The following POU2F2 variants were observed in gnomAD, a reference collection of about 807,000 sequenced individuals.
POU2F2 encodes POU class 2 homeobox 2, also known as POU domain, class 2, transcription factor 2.
Under a neutral mutation model 63.5 loss-of-function variants are expected in POU2F2, and 14 were observed. The ratio of observed to expected loss-of-function variants is 0.22; its 90% CI spans 0.15 to 0.34. The LOEUF (loss-of-function observed/expected upper bound fraction) is 0.34. POU2F2 is among the 10% of genes least tolerant of loss of function. The pLI is 1.00. For missense variants in POU2F2, 607 were observed against 815.2 expected, an observed-to-expected ratio of 0.74 and a Z score of 3.11; for synonymous variants, 306 against 348.6, an observed-to-expected ratio of 0.88 and a Z score of 1.36.
intron 1 of POU2F2, among the ~76,000 whole-genome samples, chr19:42,165,913 A>G (rs2034640779): frequency 6.6e-6 from 1 of 152,242 alleles, no homozygotes; most frequent in Admixed American, 6.5e-5. Context: ...AACAAATGCA[A>G]TGAAGACACT....
rs2076639565 is a variant in POU2F2 at position 42,089,229 on chromosome 19, AGAG to A, written c.*2025_*2027del. 6.6e-6 allele frequency: 1 copy of A among 152,236 alleles called. No individual in the cohort carries two copies. The highest frequency in any genetic ancestry group is 2.4e-5 in the African/African-American group (1 of 41,308). The allele number at this position is 152,236 out of a possible 1,614,324, so 9.4% of individuals were successfully genotyped here. A position where few individuals can be genotyped will look rare whatever the true frequency, so the allele number is the denominator to read the frequency against. Reference sequence around the variant, plus strand: ...AGAAGAGAGGAGAGCAAAGGGAGAGAGAGGAGACAGGAAGGAGGAGAGGAGAGA... The same window carrying A: ...AGAAGAGAGGAGAGCAAAGGGAGAGAGAGACAGGAAGGAGGAGAGGAGAGA... On this transcript the variant is annotated 3_prime_UTR_variant, in exon 15 of 15. Transcript: ENST00000692977.
intron 1 of POU2F2, among the ~76,000 whole-genome samples, chr19:42,123,679 C>T (rs577676595): frequency 2.0e-5 from 3 of 152,142 alleles, no homozygotes; most frequent in African/African-American, 7.2e-5. Context: ...AGTCTAATGT[C>T]CCCTAGTCCT....
At chr19:42,196,078 T>A (rs1461406103) in intron 1 of POU2F2, among the ~76,000 whole-genome samples, 1 of 152,136 alleles carries the variant, frequency 6.6e-6, no homozygotes, top group African/African-American at 2.4e-5. Flanking sequence ...ACTAAACGTA[T>A]CTGGGCGGTG....
intron 1 of POU2F2, among the ~76,000 whole-genome samples, chr19:42,173,493 T>C (rs1332810514): frequency 6.7e-6 from 1 of 149,740 alleles, no homozygotes. Flanking sequence ...AGGCCCTGCA[T>C]ACAAGAAGGG....
Position 42,153,618 on chromosome 19 carries a change from G to A in POU2F2, c.-9+6714C>T, listed in dbSNP as rs1182936269. ...GTGGTCTCTATGTGTACTGGAAGCA[G>A]GTTCTCCTCATGAGTGTCGGAGAGT... On this transcript the variant is annotated intron_variant, in intron 2 of 6. Transcript: ENST00000524801. The surrounding 1 kb of genome is among the most constrained non-coding windows in gnomAD (Gnocchi z 5.6). Among the ~76,000 whole-genome samples the A allele has an allele frequency of 6.6e-6, 1 of 152,202 alleles. No homozygotes were observed. Among genetic ancestry groups the A allele is most frequent in the East Asian group, 1.9e-4 (1 of 5,172 alleles).
chr19:42,132,258 G>A, intron 1 of POU2F2, 126 bp downstream of exon 1: 9 of 1,081,454 alleles, frequency 8.3e-6, no homozygotes, highest in Non-Finnish European at 1.1e-5. Flanking sequence ...GAGAGAGGGA[G>A]TTGCTAGAGT....
intron 5 of POU2F2, among the ~76,000 whole-genome samples, chr19:42,106,027 C>CT (rs944414690): frequency 7.1e-6 from 1 of 140,744 alleles, no homozygotes; most frequent in Non-Finnish European, 1.5e-5. Flanking sequence ...TTCTTTCTTT[C>CT]TTTCTTTCTT....
intron 1 of POU2F2, among the ~76,000 whole-genome samples, chr19:42,172,138 T>C (rs1207350709): frequency 6.6e-6 from 1 of 152,194 alleles, no homozygotes; most frequent in Non-Finnish European, 1.5e-5. Context: ...CTTTATGCCC[T>C]GCCACCAGTC....
Position 42,099,607 on chromosome 19 carries a change from T to C in POU2F2, c.487A>G (p.Thr163Ala). The change falls in exon 7 of 15, where the codon ACA becomes GCA. Residue 163 changes from threonine (T) to alanine (A), a missense_variant. By Grantham distance (58) the Thr-to-Ala change is moderately conservative (BLOSUM62 0). Transcript: ENST00000692977. ...AQQSQPGLLP[T>A]PNLFQLPQQT... is the part of the protein sequence containing the mutation. ...TGAGGTAGCTGGAATAGATTTGGTG[T>C]CGGTAGCAGGCCTGGAAAGACAAGG... 6.2e-7 allele frequency: 1 copy of C among 1,613,536 alleles called. No homozygotes were observed. The highest frequency in any genetic ancestry group is 8.5e-7 in the Non-Finnish European group (1 of 1,179,738).
At chr19:42,120,381 C>T (rs974711487) in intron 4 of POU2F2, among the ~76,000 whole-genome samples, 3 of 152,014 alleles carry the variant, frequency 2.0e-5, no homozygotes, top group Non-Finnish European at 2.9e-5. Context: ...CCACCATGCC[C>T]GGCTAATTTT....
chr19:42,136,076 C>G (rs1212014915), upstream of POU2F2, among the ~76,000 whole-genome samples: 1 of 152,078 alleles, frequency 6.6e-6, no homozygotes, highest in East Asian at 1.9e-4. Flanking sequence ...AGCCCTAAGT[C>G]AAAGTCAAGT....
rs1310016463 is a variant in POU2F2, at chr19:42,092,915, G to C, written c.1265-645C>G. The stretch of plus-strand genomic sequence containing the variant: ...ACTTACTATTTTCTAGCCTGGGGAG[G>C]GGCAACGTGTTGTTTTATGTGTATA... On this transcript the variant is annotated intron_variant, in intron 12 of 14. Transcript: ENST00000692977. The surrounding 1 kb of genome is among the most constrained non-coding windows in gnomAD (Gnocchi z 5.0). Among the ~76,000 whole-genome samples, 3 of 150,960 alleles carry C rather than the reference G, an allele frequency of 2.0e-5. No individual in the cohort carries two copies. The highest frequency in any genetic ancestry group is 4.4e-5 in the Non-Finnish European group (3 of 67,836).
intron 1 of POU2F2, among the ~76,000 whole-genome samples, chr19:42,123,668 T>C (rs2032906114): frequency 6.6e-6 from 1 of 152,158 alleles, no homozygotes; most frequent in South Asian, 2.1e-4. Flanking sequence ...GGATCCACTC[T>C]AGTCTAATGT....
At position 42,185,650 on chromosome 19, in the gene POU2F2, C is replaced by A. The variant is rs192602309; in HGVS notation, c.-70+10733G>T. On this transcript the variant is annotated intron_variant, in intron 1 of 5. Coordinates refer to the POU2F2 transcript ENST00000532176. ...CCCCCTGGCTAACTTCTATTTGACT[C>A]CAAGAACCAACTTAAAATCATATGT... is the stretch of plus-strand genomic sequence containing the variant. Among the ~76,000 whole-genome samples, 21 of 152,262 alleles carry A rather than the reference C, an allele frequency of 1.4e-4. No homozygotes were observed. In the East Asian group the frequency reaches 4.1e-3, roughly 29 times the overall value.
In POU2F2 at chr19:42,095,629, G is replaced by A. The variant is rs903615520; in HGVS notation, c.936C>T (p.Phe312=). The stretch of plus-strand genomic sequence containing the variant: ...TGCGTCTCCGGCCGGGCAGGCCGTC[G>A]AAACCCAGGCTGGGGCTGCTCAGCT... The part of the protein sequence containing the change: ...PNQLSSPSLG[F]DGLPGRRRKK... Residue 312 remains phenylalanine (F), a synonymous_variant, in exon 10 of 15, where the codon TTC becomes TTT. Coordinates refer to ENST00000692977, the MANE Select transcript of POU2F2 (RefSeq NM_001394376.1). This position sits in a 1 kb window ranked among gnomAD's most constrained non-coding sequence, Gnocchi z 7.1. 2 of 1,612,984 alleles carry A rather than the reference G, an allele frequency of 1.2e-6. No individual in the cohort carries two copies. The highest frequency in any genetic ancestry group is 1.7e-6 in the Non-Finnish European group (2 of 1,179,848).
intron 5 of POU2F2, among the ~76,000 whole-genome samples, chr19:42,100,071 T>TTTACCCTTTC (rs1340310611): frequency 6.6e-6 from 1 of 151,124 alleles, no homozygotes; most frequent in East Asian, 1.9e-4. Flanking sequence ...TCACTCTTTA[T>TTTACCCTTTC]TTACCCTTTC....
intron 5 of POU2F2, among the ~76,000 whole-genome samples, chr19:42,107,590 A>T (rs1197754078): frequency 1.3e-5 from 2 of 152,220 alleles, no homozygotes; most frequent in Admixed American, 1.3e-4. Flanking sequence ...ACAAAGTCTC[A>T]GTACCGCTAA....
chr19:42,119,846 T>C (rs1408250376), intron 4 of POU2F2, among the ~76,000 whole-genome samples: 1 of 152,258 alleles, frequency 6.6e-6, no homozygotes, highest in East Asian at 1.9e-4. Flanking sequence ...TCATTGTTTC[T>C]GGTTATCTTA....
chr19:42,108,837 C>T (rs993706849), intron 5 of POU2F2, among the ~76,000 whole-genome samples: 2 of 152,194 alleles, frequency 1.3e-5, no homozygotes, highest in Non-Finnish European at 2.9e-5. Context: ...AGATCAGCTG[C>T]TCTGTCCCTA....
Sources: gnomAD v4.1 joint callset for allele counts (sites outside exome capture counted in the v4.1 genomes callset) on GRCh38, gnomAD v4.1.1 for gene constraint, Gnocchi (gnomAD v3.1) non-coding constraint, MANE v1.5 for transcripts, NCBI Gene and HGNC (gene_info 2026-07-23, HGNC 2026-07-21) for gene names.